The following UBE2W variants were observed in gnomAD, a reference collection of about 807,000 sequenced individuals.
The protein encoded by UBE2W is ubiquitin conjugating enzyme E2 W.
Under a neutral mutation model 27.2 loss-of-function variants are expected in UBE2W, and 18 were observed. That is an observed-to-expected ratio of 0.66 (90% CI 0.46 to 0.98). The LOEUF is 0.98. Among genes scored for constraint, UBE2W ranks in the 50% least tolerant of loss-of-function variants. UBE2W has a pLI of 0.00. For missense variants in UBE2W, 90 were observed against 180.2 expected (o/e 0.50, Z 2.87); for synonymous variants, 53 against 57.2 (o/e 0.93, Z 0.33).
rs1426281776 is a variant in UBE2W at position 73,791,724 on chromosome 8, T to C, written c.*2378A>G. 28 of 984,584 alleles carry C rather than the reference T, an allele frequency of 2.8e-5. No individual in the cohort carries two copies. The highest frequency in any genetic ancestry group is 3.4e-5 in the Non-Finnish European group (28 of 829,538). 61.0% of individuals were successfully genotyped at this position (984,584 alleles called of 1,614,324 possible). A position where few individuals can be genotyped will look rare whatever the true frequency, so the allele number is the denominator to read the frequency against. On this transcript the variant is annotated 3_prime_UTR_variant, in exon 6 of 6. Transcript: ENST00000602593. ...CAAGAGAGTGTTGTTAGCCTGATTATGAATTTTAAATGTCTGTGCTCCTAT... is the reference window on the plus strand; with the variant it reads ...CAAGAGAGTGTTGTTAGCCTGATTACGAATTTTAAATGTCTGTGCTCCTAT...
At chr8:73,845,720 T>TAAAA (rs796091391) in intron 1 of UBE2W, among the ~76,000 whole-genome samples, 1 of 141,458 alleles carries the variant, frequency 7.1e-6, no homozygotes, top group Non-Finnish European at 1.6e-5. Flanking sequence ...TAAAAAAATT[T>TAAAA]AAAAAAAAAA....
intron 1 of UBE2W, among the ~76,000 whole-genome samples, chr8:73,847,476 C>T (rs960452836): frequency 6.6e-6 from 1 of 152,112 alleles, no homozygotes; most frequent in African/African-American, 2.4e-5. Context: ...TCTCACCCAC[C>T]AATTCCATTC....
chr8:73,832,152 T>TATATATATATATATATATATATA (rs1563601356), intron 1 of UBE2W, among the ~76,000 whole-genome samples: 9 of 150,806 alleles, frequency 6.0e-5, no homozygotes, highest in African/African-American at 2.2e-4. Context: ...TATATATATA[T>TATATATATATATATATATATATA]TAGCCAGGTG....
downstream of UBE2W, among the ~76,000 whole-genome samples, chr8:73,781,623 T>TG (rs1020454230): frequency 6.6e-5 from 9 of 136,062 alleles, no homozygotes; most frequent in African/African-American, 1.1e-4. Context: ...GTTTGGGTTT[T>TG]TTTTTTTTTT....
Position 73,788,197 on chromosome 8 carries a change from A to C in UBE2W, c.*5905T>G. The C allele has an allele frequency of 1.1e-6, 1 of 951,360 alleles. No homozygotes were observed. Among genetic ancestry groups the C allele is most frequent in the Non-Finnish European group, 1.3e-6 (1 of 799,066 alleles). The allele number at this position is 951,360 out of a possible 1,614,324, so 58.9% of individuals were successfully genotyped here. ...AAGCAAAGTAATCTGCATTCAACTA[A>C]CAAGTCTGATACATGTATTAAAAAA... is the stretch of plus-strand genomic sequence containing the variant. On this transcript the variant is annotated 3_prime_UTR_variant, in exon 6 of 6. Coordinates refer to ENST00000602593, the MANE Select transcript of UBE2W (RefSeq NM_018299.6).
chr8:73,814,582 G>T (rs1809309604), intron 3 of UBE2W, among the ~76,000 whole-genome samples: 1 of 152,128 alleles, frequency 6.6e-6, no homozygotes, highest in Non-Finnish European at 1.5e-5. Flanking sequence ...GCAATGGCCC[G>T]ATCTCTGCTC....
intron 5 of UBE2W, among the ~76,000 whole-genome samples, chr8:73,801,265 T>C (rs1019390274): frequency 6.6e-6 from 1 of 152,190 alleles, no homozygotes; most frequent in African/African-American, 2.4e-5. Flanking sequence ...TTCAACCATA[T>C]AACCCAGCAT....
chr8:73,808,207 T>A (rs1809000050), intron 4 of UBE2W, among the ~76,000 whole-genome samples: 3 of 152,186 alleles, frequency 2.0e-5, no homozygotes, highest in Admixed American at 2.0e-4. Context: ...TTAATAATAA[T>A]AAAACGTGTA....
intron 1 of UBE2W, among the ~76,000 whole-genome samples, chr8:73,840,119 C>G (rs944420436): frequency 6.6e-6 from 1 of 151,898 alleles, no homozygotes; most frequent in Non-Finnish European, 1.5e-5. Context: ...TGCAGTGGTG[C>G]GATCTCGGCT....
rs1358198920 is a variant in UBE2W, at chr8:73,790,241, C to T, written c.*3861G>A. On this transcript the variant is annotated 3_prime_UTR_variant, in exon 6 of 6. Transcript: ENST00000602593. ...AAAAGGAAACTGCGGAAGACTGACA[C>T]ATTGGACATCAGTGGGAAGAGGCAG... 55 of 984,176 alleles carry T rather than the reference C, an allele frequency of 5.6e-5. No homozygotes were observed. The highest frequency in any genetic ancestry group is 6.5e-5 in the Non-Finnish European group (54 of 829,750). The allele number at this position is 984,176 out of a possible 1,614,324, so 61.0% of individuals were successfully genotyped here. A position where few individuals can be genotyped will look rare whatever the true frequency, so the allele number is the denominator to read the frequency against.
chr8:73,835,395 AT>A (rs1810264902), intron 1 of UBE2W, among the ~76,000 whole-genome samples: 1 of 152,130 alleles, frequency 6.6e-6, no homozygotes, highest in African/African-American at 2.4e-5. Flanking sequence ...TGTGTGACCA[AT>A]GGAATACAGC....
intron 1 of UBE2W, among the ~76,000 whole-genome samples, chr8:73,863,259 T>C (rs1811601588): frequency 6.9e-6 from 1 of 144,148 alleles, no homozygotes; most frequent in Non-Finnish European, 1.5e-5. Context: ...TAAAAAATGA[T>C]GAGTTCATGT....
At chr8:73,870,768 G>A (rs144768895) in intron 1 of UBE2W, among the ~76,000 whole-genome samples, 1 of 149,758 alleles carries the variant, frequency 6.7e-6, no homozygotes, top group African/African-American at 2.5e-5. Context: ...ATTTTATATT[G>A]GGTAGTCAGG....
intron 5 of UBE2W, among the ~76,000 whole-genome samples, chr8:73,800,214 C>G (rs1310451310): frequency 6.6e-6 from 1 of 152,116 alleles, no homozygotes; most frequent in East Asian, 1.9e-4. Flanking sequence ...CTGCAGCCAT[C>G]CTAGTTGGAT....
At chr8:73,873,063 G>A (rs1231435571) in intron 1 of UBE2W, among the ~76,000 whole-genome samples, 1 of 151,814 alleles carries the variant, frequency 6.6e-6, no homozygotes, top group African/African-American at 2.4e-5. Context: ...GCTCTACCAC[G>A]CCTGGCTAAT....
intron 2 of UBE2W, among the ~76,000 whole-genome samples, chr8:73,829,590 CAA>C (rs1809990423): frequency 1.4e-5 from 2 of 143,122 alleles, no homozygotes; most frequent in African/African-American, 5.2e-5. Flanking sequence ...TTTTTTTTTC[CAA>C]AAGAGTCTAT....
chr8:73,849,191 G>A (rs1810958216), intron 1 of UBE2W, among the ~76,000 whole-genome samples: 1 of 151,976 alleles, frequency 6.6e-6, no homozygotes, highest in South Asian at 2.1e-4. Context: ...TAAAATAAGT[G>A]CAAAAAAACA....
At chr8:73,783,893 C>G (rs540971275), downstream of UBE2W, among the ~76,000 whole-genome samples, 34 of 152,222 alleles carry the variant, frequency 2.2e-4, no homozygotes, top group South Asian at 7.1e-3. Flanking sequence ...TCCCAAGTAG[C>G]TGGGATTACA....
chr8:73,861,401 C>G (rs1811528727), intron 1 of UBE2W, among the ~76,000 whole-genome samples: 1 of 152,124 alleles, frequency 6.6e-6, no homozygotes, highest in African/African-American at 2.4e-5. Flanking sequence ...ACAAGAATAT[C>G]ATTCCAAGTA....
Sources: gnomAD v4.1 joint callset for allele counts (sites outside exome capture counted in the v4.1 genomes callset) on GRCh38, gnomAD v4.1.1 for gene constraint, MANE v1.5 for transcripts, NCBI Gene and HGNC (gene_info 2026-07-23, HGNC 2026-07-21) for gene names.